ENTREP2: variants seen among roughly 807,000 people sequenced by gnomAD.
ENTREP2 encodes the protein endosomal transmembrane epsin interactor 2.
At chr15:29,528,030 ACACT>A in the ENTREP2 span, among the ~76,000 whole-genome samples, 1 of 152,236 alleles carries the variant, frequency 6.6e-6, no homozygotes, top group South Asian at 2.1e-4. Context: ...CATTTGGCAA[ACACT>A]CACTGAGCTC....
At chr15:29,353,433 T>G in the ENTREP2 span, among the ~76,000 whole-genome samples, 52 of 152,242 alleles carry the variant, frequency 3.4e-4, no homozygotes, top group South Asian at 0.011. Context: ...ATGTATGCAC[T>G]TAGGTAGGTA....
the ENTREP2 span, among the ~76,000 whole-genome samples, chr15:29,590,646 T>C: frequency 7.7e-6 from 1 of 129,216 alleles, no homozygotes; most frequent in African/African-American, 3.0e-5. Context: ...ATGGCGCCAC[T>C]GTACTCCAGC....
chr15:29,231,228 C>T, the ENTREP2 span, among the ~76,000 whole-genome samples: 66 of 152,264 alleles, frequency 4.3e-4, no homozygotes, highest in Middle Eastern at 6.8e-3. Flanking sequence ...TAGTCTACTA[C>T]GATGCAGCTT....
At chr15:29,351,209 T>C in the ENTREP2 span, among the ~76,000 whole-genome samples, 64 of 152,332 alleles carry the variant, frequency 4.2e-4, 1 homozygote, top group African/African-American at 1.5e-3. Flanking sequence ...CAGCATGTAC[T>C]GTACTAAACA....
At chr15:29,444,021 G>A in the ENTREP2 span, among the ~76,000 whole-genome samples, 25 of 152,102 alleles carry the variant, frequency 1.6e-4, no homozygotes, top group Non-Finnish European at 2.8e-4. Context: ...GGAGAATGGC[G>A]TGAACCTGGG....
the ENTREP2 span, among the ~76,000 whole-genome samples, chr15:29,619,771 C>A: frequency 7.2e-5 from 11 of 152,196 alleles, no homozygotes; most frequent in Non-Finnish European, 1.6e-4. Flanking sequence ...TCCTGGCCAT[C>A]CCCTGATCTC....
the ENTREP2 span, among the ~76,000 whole-genome samples, chr15:29,224,129 C>T: frequency 6.6e-6 from 1 of 152,086 alleles, no homozygotes; most frequent in East Asian, 1.9e-4. Flanking sequence ...CAGTTTCTTC[C>T]TTCTGGTGGG....
At chr15:29,609,618 C>T in the ENTREP2 span, 2 of 148,282 alleles carry the variant, frequency 1.3e-5, no homozygotes, top group African/African-American at 5.1e-5. Context: ...ATAGATTGCC[C>T]AATCTATAAT....
chr15:29,599,937 G>GTCTCTA, the ENTREP2 span, among the ~76,000 whole-genome samples: 1 of 142,466 alleles, frequency 7.0e-6, no homozygotes, highest in African/African-American at 2.5e-5. Context: ...CTTCCTAGCT[G>GTCTCTA]TCTCTATGTT....
the ENTREP2 span, among the ~76,000 whole-genome samples, chr15:29,229,454 T>C: frequency 1.3e-5 from 2 of 152,210 alleles, no homozygotes; most frequent in African/African-American, 4.8e-5. Flanking sequence ...ATTGAGCTTA[T>C]GGAAAGAGAC....
At chr15:29,406,682 C>A in the ENTREP2 span, among the ~76,000 whole-genome samples, 2 of 152,296 alleles carry the variant, frequency 1.3e-5, no homozygotes, top group East Asian at 3.9e-4. Context: ...CTGCCACTTA[C>A]AACAAATAGT....
At chr15:29,587,960 GA>G in the ENTREP2 span, among the ~76,000 whole-genome samples, 2 of 152,170 alleles carry the variant, frequency 1.3e-5, no homozygotes, top group African/African-American at 4.8e-5. Context: ...CGCCCGGCTG[GA>G]AGTGTCTTTT....
At chr15:29,303,928 CG>C in the ENTREP2 span, among the ~76,000 whole-genome samples, 1 of 151,950 alleles carries the variant, frequency 6.6e-6, no homozygotes, top group African/African-American at 2.4e-5. Flanking sequence ...TCACCCAGGC[CG>C]GAATGCAGTG....
chr15:29,228,987 G>T, the ENTREP2 span, among the ~76,000 whole-genome samples: 53,534 of 151,356 alleles, frequency 0.35, 10,187 homozygotes, highest in East Asian at 0.6. Flanking sequence ...TTTTTATTAG[G>T]AACATTTTTG....
chr15:29,656,087 G>A, the ENTREP2 span, among the ~76,000 whole-genome samples: 10 of 140,772 alleles, frequency 7.1e-5, no homozygotes, highest in African/African-American at 1.3e-4. Flanking sequence ...AGAGCAGAAA[G>A]AACAAAGCTC....
At chr15:29,361,260 C>T in the ENTREP2 span, among the ~76,000 whole-genome samples, 1 of 152,192 alleles carries the variant, frequency 6.6e-6, no homozygotes, top group Non-Finnish European at 1.5e-5. Flanking sequence ...AAATCAGACA[C>T]ACCTAGACTC....
the ENTREP2 span, among the ~76,000 whole-genome samples, chr15:29,523,561 ATTTTT>A: frequency 5.1e-5 from 4 of 78,482 alleles, no homozygotes; most frequent in Non-Finnish European, 9.9e-5. Flanking sequence ...TCCCAGCTAG[ATTTTT>A]TTTTTTTTTT....
the ENTREP2 span, among the ~76,000 whole-genome samples, chr15:29,345,920 C>T: frequency 6.6e-6 from 1 of 152,204 alleles, no homozygotes; most frequent in Non-Finnish European, 1.5e-5. Flanking sequence ...ACCTGCCAGA[C>T]ACCAACCTAA....
chr15:29,647,975 C>A, the ENTREP2 span, among the ~76,000 whole-genome samples: 2 of 152,198 alleles, frequency 1.3e-5, no homozygotes, highest in Admixed American at 6.5e-5. Context: ...TCCAGCGTAA[C>A]TTGACTCCTC....
Sources: allele counts gnomAD v4.1 joint callset (sites outside exome capture counted in the v4.1 genomes callset), GRCh38; gene constraint gnomAD v4.1.1; transcripts MANE v1.5; gene names NCBI Gene and HGNC (gene_info 2026-07-23, HGNC 2026-07-21).